Variants in ELAVL1 observed in about 807,000 individuals in gnomAD.
The protein encoded by ELAVL1 is ELAV like RNA binding protein 1.
ELAVL1 carries 1 observed loss-of-function variant against 28.4 expected under a neutral mutation model. The observed-to-expected ratio is 0.04, with a 90% CI of 0.01 to 0.17. The LOEUF (loss-of-function observed/expected upper bound fraction) is 0.17, where lower values mean the gene tolerates loss of function less well. ELAVL1 is among the 10% of genes least tolerant of loss of function. ELAVL1 has a pLI of 1.00. For synonymous variants in ELAVL1, 174 were observed against 183.5 expected, an observed-to-expected ratio of 0.95 and a Z score of 0.42; for missense variants, 157 against 447.2, an observed-to-expected ratio of 0.35 and a Z score of 5.85.
intron 1 of ELAVL1, among the ~76,000 whole-genome samples, chr19:8,005,014 AG>A (rs2081082175): frequency 2.0e-5 from 3 of 152,208 alleles, no homozygotes; most frequent in Admixed American, 2.0e-4. Flanking sequence ...TATCTACTGA[AG>A]GGTTTGCACA....
At chr19:7,965,608 A>C in intron 5 of ELAVL1, among the ~76,000 whole-genome samples, 2 of 148,118 alleles carry the variant, frequency 1.4e-5, no homozygotes, top group African/African-American at 5.0e-5. Flanking sequence ...CGCCCTCCCC[A>C]CTTCCTTCCA....
Position 7,966,167 on chromosome 19 carries a change from A to G in ELAVL1, c.656+1398T>C, listed in dbSNP as rs183686075. ...GGCAACACAGTGAGACCCCATCTCA[A>G]CAAAAAATAAAAACATTAAAAATTA... On this transcript the variant is annotated intron_variant, in intron 5 of 5. Transcript: ENST00000407627. 2.4e-4 allele frequency among the ~76,000 whole-genome samples: 36 copies of G among 152,322 alleles called. No individual in the cohort carries two copies. The East Asian group carries it at 6.4e-3, about 27-fold the overall frequency.
chr19:7,992,457 G>T (rs1177635381), intron 1 of ELAVL1, among the ~76,000 whole-genome samples: 2 of 152,152 alleles, frequency 1.3e-5, no homozygotes, highest in Non-Finnish European at 2.9e-5. Flanking sequence ...TATTAAGCTA[G>T]GAAAGACATT....
chr19:7,985,122 G>A (rs1985566948), intron 2 of ELAVL1, among the ~76,000 whole-genome samples: 1 of 152,206 alleles, frequency 6.6e-6, no homozygotes, highest in Non-Finnish European at 1.5e-5. Context: ...GTTTCGCCAT[G>A]TTGCCCAGGT....
chr19:7,959,674 G>A lies in ELAVL1; in HGVS notation c.*3809C>T, dbSNP rs1445319157. The A allele has an allele frequency of 6.6e-6, 1 of 152,198 alleles. No individual in the cohort carries two copies. Among genetic ancestry groups the A allele is most frequent in the East Asian group, 1.9e-4 (1 of 5,202 alleles). 9.4% of individuals were successfully genotyped at this position (152,198 alleles called of 1,614,324 possible). On this transcript the variant is annotated 3_prime_UTR_variant, in exon 6 of 6. Transcript: ENST00000407627. The stretch of plus-strand genomic sequence containing the variant: ...AAAAAGGTTTGGAAATGTGAACCCT[G>A]CCTGGGATCCGAGATTCAGATTCTA...
chr19:7,986,779 G>C lies in ELAVL1; in HGVS notation c.172+4865C>G, dbSNP rs530606714. 5.9e-5 allele frequency among the ~76,000 whole-genome samples: 9 copies of C among 152,260 alleles called. No individual in the cohort carries two copies. The East Asian group carries it at 1.7e-3, about 29-fold the overall frequency. ...GGGATCGCGAGATGTTCAGCGAAGTGGAAAAATGTCCAGATACAGGAAGGG... is the reference window on the plus strand; with the variant it reads ...GGGATCGCGAGATGTTCAGCGAAGTCGAAAAATGTCCAGATACAGGAAGGG... On this transcript the variant is annotated intron_variant, in intron 2 of 5. Transcript: ENST00000407627.
At chr19:7,967,232 G>A (rs559647725) in intron 5 of ELAVL1, among the ~76,000 whole-genome samples, 52 of 152,078 alleles carry the variant, frequency 3.4e-4, no homozygotes, top group African/African-American at 1.2e-3. Flanking sequence ...ATGGGGTCTC[G>A]CAATATTGCC....
At chr19:8,001,700 G>A (rs1020253900) in intron 1 of ELAVL1, among the ~76,000 whole-genome samples, 1 of 151,646 alleles carries the variant, frequency 6.6e-6, no homozygotes, top group African/African-American at 2.4e-5. Flanking sequence ...TCCTGGCCTT[G>A]AGCAATCTTC....
chr19:7,985,527 C>T (rs1168319849), intron 2 of ELAVL1, among the ~76,000 whole-genome samples: 1 of 152,202 alleles, frequency 6.6e-6, no homozygotes, highest in African/African-American at 2.4e-5. Context: ...TTGCCAAAGC[C>T]CCTGCCTGGA....
intron 1 of ELAVL1, among the ~76,000 whole-genome samples, chr19:8,001,450 C>CT (rs925818668): frequency 4.6e-5 from 7 of 152,108 alleles, no homozygotes; most frequent in African/African-American, 1.7e-4. Flanking sequence ...AGACCGACTC[C>CT]TAAGTGGGAT....
At chr19:7,980,691 GT>G (rs1474703800) in intron 3 of ELAVL1, among the ~76,000 whole-genome samples, 2 of 152,186 alleles carry the variant, frequency 1.3e-5, no homozygotes, top group Non-Finnish European at 2.9e-5. Context: ...GAATTTGTCT[GT>G]TTTGGTCACT....
chr19:8,001,450 C>T lies in ELAVL1; in HGVS notation c.-17+4045G>A, dbSNP rs376249418. On this transcript the variant is annotated intron_variant, in intron 1 of 5. Coordinates refer to ENST00000407627, the MANE Select transcript of ELAVL1 (RefSeq NM_001419.3). ...CTGTCACCTCCTGCTAGACCGACTC[C>T]TAAGTGGGATTGCAAACTCAGTGTC... Among the ~76,000 whole-genome samples, 13 of 152,226 alleles carry T rather than the reference C, an allele frequency of 8.5e-5. No homozygotes were observed. In the South Asian group the frequency reaches 2.7e-3, roughly 32 times the overall value.
intron 2 of ELAVL1, among the ~76,000 whole-genome samples, chr19:7,983,728 T>C (rs1985526634): frequency 6.6e-6 from 1 of 152,114 alleles, no homozygotes; most frequent in South Asian, 2.1e-4. Context: ...CGAGCACCAA[T>C]GCCCGTTCCT....
At chr19:7,965,704 T>C (rs1271804392) in intron 5 of ELAVL1, among the ~76,000 whole-genome samples, 1 of 152,190 alleles carries the variant, frequency 6.6e-6, no homozygotes, top group Non-Finnish European at 1.5e-5. Flanking sequence ...TTTCTTTTCT[T>C]GTCCTCATTA....
intron 3 of ELAVL1, among the ~76,000 whole-genome samples, chr19:7,975,363 C>T (rs2066020008): frequency 6.6e-6 from 1 of 152,204 alleles, no homozygotes; most frequent in African/African-American, 2.4e-5. Context: ...AGGAGAAGTG[C>T]CCTAGAGCCA....
At chr19:7,999,066 C>G (rs2081058617) in intron 1 of ELAVL1, among the ~76,000 whole-genome samples, 2 of 152,184 alleles carry the variant, frequency 1.3e-5, no homozygotes, top group Admixed American at 6.5e-5. Context: ...ACCAGGCTGG[C>G]TCATCTTTAA....
chr19:7,993,509 T>G (rs1171011514), intron 1 of ELAVL1, among the ~76,000 whole-genome samples: 2 of 152,252 alleles, frequency 1.3e-5, no homozygotes, highest in Non-Finnish European at 2.9e-5. Context: ...GGCTTTGAAA[T>G]GTCTTTCTCA....
chr19:8,002,634 T>C (rs1241554878), intron 1 of ELAVL1, among the ~76,000 whole-genome samples: 1 of 152,222 alleles, frequency 6.6e-6, no homozygotes, highest in South Asian at 2.1e-4. Context: ...CTGAATGGGA[T>C]GGGAACACTA....
At chr19:7,988,593 G>A (rs1985666969) in intron 2 of ELAVL1, among the ~76,000 whole-genome samples, 1 of 152,190 alleles carries the variant, frequency 6.6e-6, no homozygotes, top group South Asian at 2.1e-4. Context: ...GTGGGTGGGA[G>A]GCCAACACAC....
Sources: allele counts gnomAD v4.1 joint callset (sites outside exome capture counted in the v4.1 genomes callset), GRCh38; gene constraint gnomAD v4.1.1; transcripts MANE v1.5; gene names NCBI Gene and HGNC (gene_info 2026-07-23, HGNC 2026-07-21).